The following TENM4 variants were observed in gnomAD, a reference collection of about 807,000 sequenced individuals.
TENM4 encodes the protein teneurin-4.
TENM4 carries 82 observed loss-of-function variants against 243.3 expected under a neutral mutation model. The observed-to-expected ratio is 0.34, with a 90% CI of 0.28 to 0.40. The LOEUF (loss-of-function observed/expected upper bound fraction) is 0.40, where lower values mean the gene tolerates loss of function less well. Among genes scored for constraint, TENM4 ranks in the 10% least tolerant of loss-of-function variants. The pLI is 1.00. For missense variants in TENM4, 3,138 were observed against 3,673.3 expected (o/e 0.85, Z 3.77); for synonymous variants, 1,412 against 1,456.3 (o/e 0.97, Z 0.69).
At chr11:79,040,940 T>C (rs1859506816) in intron 6 of TENM4, among the ~76,000 whole-genome samples, 1 of 152,186 alleles carries the variant, frequency 6.6e-6, no homozygotes, top group Non-Finnish European at 1.5e-5. Flanking sequence ...GCATCCTGCT[T>C]GTGCCCAATG....
chr11:78,673,756 T>C (rs1858394685), intron 30 of TENM4, among the ~76,000 whole-genome samples: 1 of 152,266 alleles, frequency 6.6e-6, no homozygotes, highest in South Asian at 2.1e-4. Flanking sequence ...ATCGTGGTCA[T>C]ATCCCAGGAA....
chr11:78,986,732 CCTGA>C (rs1857928009), intron 6 of TENM4, among the ~76,000 whole-genome samples: 2 of 152,134 alleles, frequency 1.3e-5, no homozygotes, highest in Admixed American at 1.3e-4. Flanking sequence ...TGCCATGATG[CCTGA>C]CTAATTTTTG....
At chr11:79,274,906 A>G (rs1856027105) in intron 2 of TENM4, among the ~76,000 whole-genome samples, 1 of 152,180 alleles carries the variant, frequency 6.6e-6, no homozygotes, top group Admixed American at 6.5e-5. Context: ...CCCGGGCCTC[A>G]GTTTCCTGCA....
At chr11:79,259,636 CCCATCCATCCATCCATCCATCTAT>C (rs1565272748) in intron 2 of TENM4, among the ~76,000 whole-genome samples, 2 of 141,768 alleles carry the variant, frequency 1.4e-5, no homozygotes, top group African/African-American at 5.4e-5. Flanking sequence ...CATCCACTCC[CCCATCCATCCATCCATCCATCTAT>C]CCATCCATCC....
intron 6 of TENM4, among the ~76,000 whole-genome samples, chr11:78,932,665 G>A (rs986826286): frequency 6.6e-6 from 1 of 152,182 alleles, no homozygotes; most frequent in African/African-American, 2.4e-5. Context: ...GGAACCAGGG[G>A]CCAGTCTCGT....
intron 5 of TENM4, among the ~76,000 whole-genome samples, chr11:79,069,121 C>T (rs781495888): frequency 2.6e-5 from 4 of 152,058 alleles, no homozygotes; most frequent in Non-Finnish European, 5.9e-5. Context: ...GCTTTGGGGA[C>T]TACTGTAGGT....
At chr11:79,173,149 C>A (rs1480293100) in intron 3 of TENM4, among the ~76,000 whole-genome samples, 1 of 152,210 alleles carries the variant, frequency 6.6e-6, no homozygotes. Context: ...AACACACAGT[C>A]GACATGTATT....
chr11:79,354,054 C>T (rs750586118), intron 1 of TENM4, among the ~76,000 whole-genome samples: 2 of 152,180 alleles, frequency 1.3e-5, no homozygotes, highest in African/African-American at 2.4e-5. Context: ...TAAATGCAGA[C>T]CCATTGTTTA....
At chr11:78,974,321 G>C (rs1565150547) in intron 6 of TENM4, among the ~76,000 whole-genome samples, 1 of 152,120 alleles carries the variant, frequency 6.6e-6, no homozygotes, top group East Asian at 1.9e-4. Context: ...TCACAGCCAT[G>C]ATCTCATGTG....
intron 6 of TENM4, among the ~76,000 whole-genome samples, chr11:78,945,542 TGAAA>T (rs1204201241): frequency 2.0e-5 from 3 of 152,226 alleles, no homozygotes; most frequent in South Asian, 2.1e-4. Context: ...AATGGCCAAG[TGAAA>T]GAAAGAGTTG....
intron 2 of TENM4, among the ~76,000 whole-genome samples, chr11:79,236,782 A>G (rs1864482561): frequency 6.6e-6 from 1 of 152,184 alleles, no homozygotes; most frequent in African/African-American, 2.4e-5. Flanking sequence ...TATGGAGCAA[A>G]TGCACCCACA....
At chr11:79,122,540 C>T (rs1861764812) in intron 4 of TENM4, among the ~76,000 whole-genome samples, 1 of 152,074 alleles carries the variant, frequency 6.6e-6, no homozygotes, top group African/African-American at 2.4e-5. Flanking sequence ...GGATTCATGA[C>T]CTTTTGGAGA....
intron 1 of TENM4, among the ~76,000 whole-genome samples, chr11:79,327,158 C>A (rs954790474): frequency 2.6e-5 from 4 of 152,102 alleles, no homozygotes; most frequent in Non-Finnish European, 5.9e-5. Flanking sequence ...ATAAGTCAGC[C>A]AGAAGGTGAA....
Position 78,738,851 on chromosome 11 carries a change from T to C in TENM4, c.2757-281A>G, listed in dbSNP as rs142786512. Among the ~76,000 whole-genome samples the C allele has an allele frequency of 3.0e-3, 458 of 152,358 alleles. 2 individuals carry two copies. Among genetic ancestry groups the C allele is most frequent in the African/African-American group, 0.011 (445 of 41,586 alleles). On this transcript the variant is annotated intron_variant, in intron 19 of 33. Transcript: ENST00000278550. The stretch of plus-strand genomic sequence containing the variant: ...GATACTGTATTATGCTGTAAGGAGA[T>C]AAAGCTGATCACAGAGGGCAATATC...
At chr11:78,688,378 C>T (rs1858737865) in intron 28 of TENM4, among the ~76,000 whole-genome samples, 152 bp from the exon 29 acceptor site, 1 of 152,152 alleles carries the variant, frequency 6.6e-6, no homozygotes, top group East Asian at 1.9e-4. Context: ...TTGCACAGGA[C>T]CTGGTACATA....
intron 6 of TENM4, among the ~76,000 whole-genome samples, chr11:78,968,578 G>T (rs538377964): frequency 6.6e-6 from 1 of 152,298 alleles, no homozygotes; most frequent in African/African-American, 2.4e-5. Context: ...GTTAGGGAGT[G>T]CAGACACCTG....
chr11:78,899,272 T>A (rs1591111573), intron 7 of TENM4, among the ~76,000 whole-genome samples: 1 of 152,028 alleles, frequency 6.6e-6, no homozygotes, highest in South Asian at 2.1e-4. Flanking sequence ...ATAGTTTGGA[T>A]GTTTGTCCCC....
At chr11:78,860,397 T>C (rs1858788707) in intron 10 of TENM4, among the ~76,000 whole-genome samples, 1 of 152,222 alleles carries the variant, frequency 6.6e-6, no homozygotes, top group Non-Finnish European at 1.5e-5. Flanking sequence ...AGGATTAACA[T>C]CCTATACTGT....
At chr11:78,660,070 CG>C in intron 33 of TENM4, among the ~76,000 whole-genome samples, 1 of 152,276 alleles carries the variant, frequency 6.6e-6, no homozygotes, top group East Asian at 1.9e-4. Flanking sequence ...AGTCAGAGAC[CG>C]GGGCTCTCTG....
Sources: allele counts gnomAD v4.1 joint callset (sites outside exome capture counted in the v4.1 genomes callset), GRCh38; gene constraint gnomAD v4.1.1; transcripts MANE v1.5; gene names NCBI Gene and HGNC (gene_info 2026-07-23, HGNC 2026-07-21).